Variants in KIFAP3 observed in about 807,000 individuals in gnomAD.
KIFAP3 encodes kinesin associated protein 3, also known as kinesin-associated protein 3.
A neutral mutation model predicts 106.5 loss-of-function variants in KIFAP3; 68 were observed. The observed-to-expected ratio is 0.64, with a 90% CI of 0.53 to 0.78. The LOEUF is 0.78. Ranked by LOEUF, KIFAP3 falls within the 30% of genes least tolerant of loss-of-function variation. KIFAP3 has a pLI of 0.00. For synonymous variants in KIFAP3, 320 were observed against 311.5 expected (o/e 1.03, Z -0.29); for missense variants, 780 against 941.8 (o/e 0.83, Z 2.25).
intron 16 of KIFAP3, 64 bp downstream of exon 16, chr1:169,978,019 ACT>A: frequency 4.8e-6 from 5 of 1,045,220 alleles, no homozygotes; most frequent in Non-Finnish European, 4.4e-6. Flanking sequence ...AAAAAAAACA[ACT>A]CAAAGATGCA....
intron 10 of KIFAP3, among the ~76,000 whole-genome samples, chr1:170,007,733 C>T (rs1668041228): frequency 2.0e-5 from 3 of 152,088 alleles, no homozygotes; most frequent in Non-Finnish European, 2.9e-5. Flanking sequence ...CATCAAGCTA[C>T]CAATGAGTTT....
At chr1:169,993,361 T>C (rs2485463) in intron 10 of KIFAP3, among the ~76,000 whole-genome samples, 141,744 of 151,280 alleles carry the variant, frequency 0.94, 66,492 homozygotes, top group East Asian at 1. Context: ...CTGCCCACCT[T>C]GGCCTCCCTA....
intron 3 of KIFAP3, 29 bp from the exon 4 acceptor site, chr1:170,039,317 G>A: frequency 2.2e-6 from 3 of 1,350,502 alleles, no homozygotes; most frequent in Non-Finnish European, 3.1e-6. Flanking sequence ...TTAATAAGGA[G>A]ACTTAGGTTT....
At chr1:170,061,707 C>T (rs192116126) in intron 1 of KIFAP3, among the ~76,000 whole-genome samples, 9,652 of 152,166 alleles carry the variant, frequency 0.063, 392 homozygotes, top group Non-Finnish European at 0.095. Flanking sequence ...TAAAGACACA[C>T]ACACACATAT....
chr1:170,024,623 A>G (rs374434688), intron 8 of KIFAP3, 27 bp from the exon 9 acceptor site: 20 of 1,337,514 alleles, frequency 1.5e-5, no homozygotes, highest in Non-Finnish European at 2.0e-5. Context: ...TATGAGAGAT[A>G]AAGAATTAGT....
chr1:169,977,401 C>T (rs1383445057), intron 16 of KIFAP3, among the ~76,000 whole-genome samples: 1 of 152,088 alleles, frequency 6.6e-6, no homozygotes, highest in Non-Finnish European at 1.5e-5. Flanking sequence ...CTATTACAGG[C>T]AATTTAAATC....
intron 2 of KIFAP3, among the ~76,000 whole-genome samples, chr1:170,050,591 G>A (rs1670527080): frequency 6.6e-6 from 1 of 152,216 alleles, no homozygotes; most frequent in Non-Finnish European, 1.5e-5. Flanking sequence ...AGCAGCCAGA[G>A]AGAAAGGTCA....
chr1:170,021,367 A>T (rs1668807178), intron 9 of KIFAP3, among the ~76,000 whole-genome samples: 1 of 151,650 alleles, frequency 6.6e-6, no homozygotes, highest in Non-Finnish European at 1.5e-5. Context: ...GAAAAAAAAC[A>T]GTGTATGCAT....
chr1:170,005,164 TC>T (rs1161265564), intron 10 of KIFAP3, among the ~76,000 whole-genome samples: 1 of 151,402 alleles, frequency 6.6e-6, no homozygotes, highest in East Asian at 1.9e-4. Flanking sequence ...TGAGATACCA[TC>T]TCACACCAGT....
At chr1:169,947,082 A>C (rs1317049552) in intron 19 of KIFAP3, among the ~76,000 whole-genome samples, 1 of 151,894 alleles carries the variant, frequency 6.6e-6, no homozygotes, top group Admixed American at 6.6e-5. Flanking sequence ...ACTATTTCTT[A>C]TGGTTTTACT....
chr1:170,031,731 C>T (rs901035068), intron 8 of KIFAP3, among the ~76,000 whole-genome samples, 155 bp downstream of exon 8: 1 of 151,596 alleles, frequency 6.6e-6, no homozygotes. Flanking sequence ...TAAAACATTA[C>T]CCATGCTAAA....
chr1:170,077,808 C>T (rs1031114397), upstream of KIFAP3, among the ~76,000 whole-genome samples: 29 of 152,136 alleles, frequency 1.9e-4, no homozygotes, highest in African/African-American at 6.0e-4. Flanking sequence ...TAATGATAGG[C>T]GCTGTAGCCT....
intron 10 of KIFAP3, among the ~76,000 whole-genome samples, chr1:169,997,897 T>TA (rs11297527): frequency 1.1e-4 from 14 of 130,194 alleles, no homozygotes; most frequent in South Asian, 2.5e-4. Flanking sequence ...AAAAAAAGGA[T>TA]AAAAAAAAAA....
chr1:170,045,249 G>A (rs1670183858), intron 3 of KIFAP3, among the ~76,000 whole-genome samples: 1 of 151,972 alleles, frequency 6.6e-6, no homozygotes, highest in Non-Finnish European at 1.5e-5. Context: ...CCTCACCTGC[G>A]ATAAGTAAAA....
rs771339518 is a variant in KIFAP3, at chr1:169,981,961, A to C, written c.1798+11T>G. 6.2e-7 allele frequency: 1 copy of C among 1,601,908 alleles called. No homozygotes were observed. Among genetic ancestry groups the C allele is most frequent in the Non-Finnish European group, 8.5e-7 (1 of 1,172,638 alleles). On this transcript the variant is annotated intron_variant, in intron 15 of 19. Transcript: ENST00000361580. ...TAGACATTAACATAAAAATAAATTA[A>C]GGTTATTTACCATTTAGCAATTCAA...
chr1:170,032,840 T>G (rs1008703142), intron 7 of KIFAP3, among the ~76,000 whole-genome samples: 4 of 151,736 alleles, frequency 2.6e-5, no homozygotes, highest in African/African-American at 4.8e-5. Context: ...CCCTGATGTG[T>G]CATAGTTTAA....
rs959784013 is a variant in KIFAP3 at position 170,022,876 on chromosome 1, A to T, written c.1020+1542T>A. The stretch of plus-strand genomic sequence containing the variant: ...TAATAGTCAAGATCTTTTTGATAGA[A>T]TAAACACATAATTGTATTAGTTAAA... On this transcript the variant is annotated intron_variant, in intron 9 of 19. Transcript: ENST00000361580. Among the ~76,000 whole-genome samples, 7 of 152,114 alleles carry T rather than the reference A, an allele frequency of 4.6e-5. No individual in the cohort carries two copies. In the East Asian group the frequency reaches 1.2e-3, roughly 25 times the overall value.
chr1:169,926,182 T>C (rs1436727287), intron 19 of KIFAP3, among the ~76,000 whole-genome samples: 2 of 152,184 alleles, frequency 1.3e-5, no homozygotes, highest in African/African-American at 2.4e-5. Flanking sequence ...TTTATGGATA[T>C]GTAAAACTGT....
Position 170,034,471 on chromosome 1 carries a change from T to C in KIFAP3, c.643A>G (p.Thr215Ala), listed in dbSNP as rs1346695456. 6.7e-7 allele frequency: 1 copy of C among 1,497,774 alleles called. No individual in the cohort carries two copies. Among genetic ancestry groups the C allele is most frequent in the Non-Finnish European group, 9.2e-7 (1 of 1,088,792 alleles). 92.8% of individuals were successfully genotyped at this position (1,497,774 alleles called of 1,614,324 possible). ...CACAGAGCTCCAATTTTATAGTGAG[T>C]AATAAGTCCATGAAATTGAGAAAAG... ...SSFSQFHGLI[T>A]HYKIGALCMN... The change falls in exon 7 of 20, where the codon ACT (threonine) becomes GCT (alanine). Residue 215 changes from threonine (T) to alanine (A), a missense_variant. This residue lies in a region of KIFAP3 where 588 missense variants were observed against 678.9 expected (regional missense o/e 0.87). Transcript: ENST00000361580.
Sources: gnomAD v4.1 joint callset for allele counts (sites outside exome capture counted in the v4.1 genomes callset) on GRCh38, gnomAD v4.1.1 for gene constraint, gnomAD v4.1.1 regional missense constraint, MANE v1.5 for transcripts, NCBI Gene and HGNC (gene_info 2026-07-23, HGNC 2026-07-21) for gene names.